VXN: variants seen among roughly 807,000 people sequenced by gnomAD.
VXN encodes uncharacterized protein C8orf46.
In VXN, 7 loss-of-function variants were observed where a neutral mutation model predicts 23.1. The observed-to-expected ratio is 0.30, with a 90% CI of 0.17 to 0.57. VXN has a LOEUF of 0.57. Ranked by LOEUF, VXN falls within the 20% of genes least tolerant of loss-of-function variation. The probability of loss-of-function intolerance (pLI) is 0.91; values close to 1 mark genes in which losing one functional copy is unlikely to be tolerated. For missense variants in VXN, 238 were observed against 272.6 expected, an observed-to-expected ratio of 0.87 and a Z score of 0.89; for synonymous variants, 120 against 105.8, an observed-to-expected ratio of 1.13 and a Z score of -0.83.
At chr8:66,504,031 G>A (rs955160642) in intron 2 of VXN, among the ~76,000 whole-genome samples, 2 of 152,182 alleles carry the variant, frequency 1.3e-5, no homozygotes, top group Non-Finnish European at 1.5e-5. Context: ...CCCCAGTCGC[G>A]ACCTGGGAAA....
At chr8:66,514,302 T>G (rs1807859837) in intron 5 of VXN, 1 of 152,276 alleles carries the variant, frequency 6.6e-6, no homozygotes, top group Non-Finnish European at 1.5e-5. Context: ...AGCCTGGAAC[T>G]GCCACCAACC....
chr8:66,505,285 G>C (rs1293539909), intron 2 of VXN, 90 bp from the exon 3 acceptor site: 5 of 1,490,688 alleles, frequency 3.4e-6, no homozygotes, highest in Admixed American at 2.0e-5. Flanking sequence ...CTCGATGCGA[G>C]CTCCATCTGC....
At chr8:66,510,672 G>T (rs912114444) in intron 4 of VXN, among the ~76,000 whole-genome samples, 1 of 152,192 alleles carries the variant, frequency 6.6e-6, no homozygotes, top group Non-Finnish European at 1.5e-5. Context: ...AGATCAAGGT[G>T]CCAGCAGATT....
At chr8:66,499,219 TG>T (rs1435305431) in intron 2 of VXN, among the ~76,000 whole-genome samples, 2 of 146,572 alleles carry the variant, frequency 1.4e-5, no homozygotes, top group African/African-American at 2.6e-5. Flanking sequence ...AGTATTGGGT[TG>T]GTTTTTTTTT....
At chr8:66,510,890 C>T (rs1489901119) in intron 4 of VXN, among the ~76,000 whole-genome samples, 2 of 152,224 alleles carry the variant, frequency 1.3e-5, no homozygotes, top group Non-Finnish European at 2.9e-5. Context: ...CTCCCAATAC[C>T]ATACATCCAG....
At chr8:66,507,037 T>A (rs944900170) in intron 3 of VXN, among the ~76,000 whole-genome samples, 3 of 152,180 alleles carry the variant, frequency 2.0e-5, no homozygotes, top group Non-Finnish European at 4.4e-5. Context: ...TGCAAAAGAA[T>A]CACCTAGGAA....
chr8:66,498,573 TGAACC>T (rs2130542608), intron 2 of VXN, among the ~76,000 whole-genome samples: 1 of 152,324 alleles, frequency 6.6e-6, no homozygotes, highest in African/African-American at 2.4e-5. Flanking sequence ...TGGATAGTAC[TGAACC>T]CTGTATCACT....
Position 66,513,601 on chromosome 8 carries a change from C to T in VXN, c.404C>T (p.Ala135Val). 6.2e-7 allele frequency: 1 copy of T among 1,614,144 alleles called. No individual in the cohort carries two copies. ...TSASASLEAT[A>V]MGTEKGAVLM... Reference sequence around the variant, plus strand: ...GCCTCTGCCTCATTGGAGGCGACAGCCATGGGCACAGAGAAGGGAGCTGTT... The same window carrying T: ...GCCTCTGCCTCATTGGAGGCGACAGTCATGGGCACAGAGAAGGGAGCTGTT... Residue 135 changes from alanine (A) to valine (V), a missense_variant, in exon 5 of 6, where the codon GCC becomes GTC. Physicochemically the swap from Ala to Val is moderately conservative, Grantham distance 64. Transcript: ENST00000305454.
At chr8:66,504,163 T>C (rs896447801) in intron 2 of VXN, among the ~76,000 whole-genome samples, 2 of 152,236 alleles carry the variant, frequency 1.3e-5, no homozygotes, top group Admixed American at 6.5e-5. Context: ...AGAGAAGAGA[T>C]GGGGAGGTGG....
chr8:66,513,735 C>G (rs1385274880), intron 5 of VXN, 98 bp downstream of exon 5: 2 of 934,268 alleles, frequency 2.1e-6, no homozygotes, highest in South Asian at 1.5e-5. Flanking sequence ...GACAGACCCT[C>G]GAGAGGCCAA....
chr8:66,495,472 T>C (rs1807615705), intron 1 of VXN, among the ~76,000 whole-genome samples: 1 of 152,130 alleles, frequency 6.6e-6, no homozygotes, highest in Non-Finnish European at 1.5e-5. Context: ...AATAAATGAG[T>C]AAATATATAA....
At position 66,514,818 on chromosome 8, in the gene VXN, T is replaced by C. The variant is rs559201705; in HGVS notation, c.441-1075T>C. Among the ~76,000 whole-genome samples, 8 of 152,260 alleles carry C rather than the reference T, an allele frequency of 5.3e-5. No homozygotes were observed. In the South Asian group the frequency reaches 1.7e-3, roughly 32 times the overall value. ...AACTTATCTAGTAGTTGGGAAGCTATGCACTTGGGAACATGTTGGATGCAA... is the reference window on the plus strand; with the variant it reads ...AACTTATCTAGTAGTTGGGAAGCTACGCACTTGGGAACATGTTGGATGCAA... On this transcript the variant is annotated intron_variant, in intron 5 of 5. Transcript: ENST00000305454.
chr8:66,499,658 C>T (rs1369881138), intron 2 of VXN, among the ~76,000 whole-genome samples: 6 of 152,006 alleles, frequency 3.9e-5, no homozygotes, highest in Non-Finnish European at 7.4e-5. Flanking sequence ...TGGGTTCAAG[C>T]AATTCTTCTG....
chr8:66,507,639 G>A (rs1430860702), intron 3 of VXN, among the ~76,000 whole-genome samples: 2 of 152,184 alleles, frequency 1.3e-5, no homozygotes, highest in Non-Finnish European at 2.9e-5. Context: ...AGAGCAATAA[G>A]TTATGATATG....
chr8:66,495,940 C>T (rs1807620849), intron 1 of VXN, among the ~76,000 whole-genome samples: 1 of 152,198 alleles, frequency 6.6e-6, no homozygotes, highest in Non-Finnish European at 1.5e-5. Flanking sequence ...CCACCAGTAA[C>T]CACCATTCTA....
chr8:66,513,398 A>C, intron 4 of VXN, 142 bp from the exon 5 acceptor site: 1 of 748,628 alleles, frequency 1.3e-6, no homozygotes. Flanking sequence ...CCTCCAGGGC[A>C]GTCCCACACC....
chr8:66,509,065 A>T (rs764186160), intron 3 of VXN, among the ~76,000 whole-genome samples: 1 of 152,266 alleles, frequency 6.6e-6, no homozygotes, highest in Non-Finnish European at 1.5e-5. Flanking sequence ...TGCTCAGCAC[A>T]GTGCCTGGCG....
intron 2 of VXN, among the ~76,000 whole-genome samples, chr8:66,500,702 T>C (rs574808792): frequency 7.9e-5 from 12 of 152,158 alleles, no homozygotes; most frequent in African/African-American, 1.9e-4. Flanking sequence ...TTTTCGGAGT[T>C]CCCAGTGTCT....
In VXN at chr8:66,505,335, AGCAGAGGAGTGG is replaced by A. The variant is rs1807737859; in HGVS notation, c.127-37_127-26del. 2.6e-6 allele frequency: 4 copies of A among 1,563,664 alleles called. No homozygotes were observed. The African/African-American group carries it at 5.4e-5, about 21-fold the overall frequency. On this transcript the variant is annotated intron_variant, in intron 2 of 5. Coordinates refer to ENST00000305454, the MANE Select transcript of VXN (RefSeq NM_152765.4). ...GGGGTTCCATGGGTCCCTAGGCCCG[AGCAGAGGAGTGG>A]GCTAACCGCGTTTCCCCCGCCCGGC...
Sources: gnomAD v4.1 joint callset for allele counts (sites outside exome capture counted in the v4.1 genomes callset) on GRCh38, gnomAD v4.1.1 for gene constraint, MANE v1.5 for transcripts, NCBI Gene and HGNC (gene_info 2026-07-23, HGNC 2026-07-21) for gene names.